UBR1: variants seen among roughly 807,000 people sequenced by gnomAD.
UBR1 encodes ubiquitin protein ligase E3 component n-recognin 1, also known as E3 ubiquitin-protein ligase UBR1.
UBR1 carries 102 observed loss-of-function variants against 242.1 expected under a neutral mutation model. The ratio of observed to expected loss-of-function variants is 0.42; its 90% CI spans 0.36 to 0.50. The LOEUF is 0.50. Ranked by LOEUF, UBR1 falls within the 20% of genes least tolerant of loss-of-function variation. The pLI is 0.01. For synonymous variants in UBR1, 675 were observed against 684.8 expected (o/e 0.99, Z 0.22); for missense variants, 1,772 against 2,101.8 (o/e 0.84, Z 3.07).
chr15:42,946,155 GCT>G (rs1421349450), intron 46 of UBR1, among the ~76,000 whole-genome samples: 1 of 151,742 alleles, frequency 6.6e-6, no homozygotes, highest in Admixed American at 6.6e-5. Flanking sequence ...ATGGAGTTTC[GCT>G]CTTTTTGCCC....
intron 40 of UBR1, among the ~76,000 whole-genome samples, chr15:42,969,709 C>G (rs1282976170): frequency 6.6e-6 from 1 of 152,084 alleles, no homozygotes; most frequent in African/African-American, 2.4e-5. Context: ...CAATAATAGA[C>G]AAACAGGGAG....
chr15:42,988,756 A>C, intron 35 of UBR1, 63 bp downstream of exon 35: 1 of 1,601,730 alleles, frequency 6.2e-7, no homozygotes, highest in Non-Finnish European at 8.6e-7. Context: ...AAAGAATTTA[A>C]GAATGAATGA....
intron 8 of UBR1, 114 bp from the exon 9 acceptor site, chr15:43,059,306 C>T (rs1394534646): frequency 1.2e-6 from 1 of 849,196 alleles, no homozygotes; most frequent in Non-Finnish European, 2.0e-6. Flanking sequence ...CTCAAGCGAT[C>T]CTTCCACCTC....
Position 43,082,730 on chromosome 15 carries a change from G to A in UBR1, c.339-14C>T. 6.2e-7 allele frequency: 1 copy of A among 1,611,102 alleles called. No homozygotes were observed. On this transcript the variant is annotated splice_polypyrimidine_tract_variant and intron_variant, in intron 2 of 46. Coordinates refer to ENST00000290650, the MANE Select transcript of UBR1 (RefSeq NM_174916.3). ...ATTGCACAATCCCTGAAAAAGATCAGAAATCAGATTCCAAAATTTAGATGA... is the reference window on the plus strand; with the variant it reads ...ATTGCACAATCCCTGAAAAAGATCAAAAATCAGATTCCAAAATTTAGATGA...
chr15:42,975,609 T>C (rs975081139), intron 39 of UBR1, among the ~76,000 whole-genome samples: 4 of 152,218 alleles, frequency 2.6e-5, no homozygotes, highest in Middle Eastern at 3.2e-3. Flanking sequence ...ATCACTTTAA[T>C]TATGTTTGTT....
chr15:43,012,980 A>G (rs1157712973), intron 29 of UBR1, among the ~76,000 whole-genome samples: 1 of 152,126 alleles, frequency 6.6e-6, no homozygotes, highest in African/African-American at 2.4e-5. Context: ...ATCTCTGCTC[A>G]CTACAACCCC....
intron 2 of UBR1, among the ~76,000 whole-genome samples, chr15:43,083,905 A>G (rs952932193): frequency 2.0e-5 from 3 of 151,802 alleles, no homozygotes; most frequent in Admixed American, 2.0e-4. Context: ...TTAGCCAGGC[A>G]TGGTGGTGCT....
At chr15:42,988,269 A>ATGTATG (rs1555443984) in intron 35 of UBR1, among the ~76,000 whole-genome samples, 2 of 147,804 alleles carry the variant, frequency 1.4e-5, no homozygotes, top group Non-Finnish European at 3.0e-5. Context: ...AAAGGAATAT[A>ATGTATG]TGTGTGTGTG....
intron 12 of UBR1, among the ~76,000 whole-genome samples, chr15:43,052,563 A>C (rs574270475): frequency 1.3e-5 from 2 of 152,236 alleles, no homozygotes; most frequent in Non-Finnish European, 2.9e-5. Context: ...ATAAACACAA[A>C]GCTAAACTAT....
rs1391356488 is a variant in UBR1, at chr15:42,943,158, TAATA to T, written c.*2167_*2170del. ...TGAACTCACAGCCCATACACCAATATAATAAATTAATTATACAGATATATTTTTC... is the reference window on the plus strand; with the variant it reads ...TGAACTCACAGCCCATACACCAATATAATTAATTATACAGATATATTTTTC... On this transcript the variant is annotated 3_prime_UTR_variant, in exon 47 of 47. Coordinates refer to ENST00000290650, the MANE Select transcript of UBR1 (RefSeq NM_174916.3). 6.6e-6 allele frequency: 1 copy of T among 152,520 alleles called. No homozygotes were observed. Among genetic ancestry groups the T allele is most frequent in the Non-Finnish European group, 1.5e-5 (1 of 68,020 alleles). The allele number at this position is 152,520 out of a possible 1,614,324, so 9.4% of individuals were successfully genotyped here.
chr15:43,084,181 C>A (rs2034005917), intron 2 of UBR1, among the ~76,000 whole-genome samples: 1 of 152,026 alleles, frequency 6.6e-6, no homozygotes, highest in Non-Finnish European at 1.5e-5. Context: ...ATACTACTGA[C>A]ATTTTGGGCC....
chr15:42,958,595 G>T (rs954008017), intron 43 of UBR1, among the ~76,000 whole-genome samples: 6 of 152,060 alleles, frequency 3.9e-5, no homozygotes, highest in African/African-American at 1.5e-4. Context: ...ATTGATTTAA[G>T]AAATGTCAAA....
chr15:43,066,084 G>A (rs957194606), intron 6 of UBR1, among the ~76,000 whole-genome samples: 1 of 151,912 alleles, frequency 6.6e-6, no homozygotes, highest in Admixed American at 6.6e-5. Context: ...TTTTTTCTAG[G>A]GTTTTATAGT....
In UBR1 at chr15:42,957,228, G is replaced by A. The variant is rs552606723; in HGVS notation, c.4835+785C>T. Among the ~76,000 whole-genome samples the A allele has an allele frequency of 7.2e-5, 11 of 152,012 alleles. No individual in the cohort carries two copies. In the East Asian group the frequency reaches 1.9e-3, roughly 27 times the overall value. On this transcript the variant is annotated intron_variant, in intron 44 of 46. Coordinates refer to ENST00000290650, the MANE Select transcript of UBR1 (RefSeq NM_174916.3). ...AAAGTAATGACATATGCTACGACTC[G>A]GATAAATATTAAAGACATGCTAAGT...
rs1194918571 is a variant in UBR1 at position 43,082,719 on chromosome 15, G to A, written c.339-3C>T. On this transcript the variant is annotated splice_region_variant and splice_polypyrimidine_tract_variant and intron_variant, in intron 2 of 46. Transcript: ENST00000290650. ...ATGTTGGATCAATTGCACAATCCCT[G>A]AAAAAGATCAGAAATCAGATTCCAA... 6.2e-7 allele frequency: 1 copy of A among 1,613,242 alleles called. No homozygotes were observed. Among genetic ancestry groups the A allele is most frequent in the Non-Finnish European group, 8.5e-7 (1 of 1,179,400 alleles).
intron 13 of UBR1, among the ~76,000 whole-genome samples, chr15:43,047,989 C>T (rs546621071): frequency 6.6e-6 from 1 of 152,150 alleles, no homozygotes; most frequent in Non-Finnish European, 1.5e-5. Flanking sequence ...GAGATTGAGA[C>T]CATCCTGGCC....
At chr15:43,076,147 G>T (rs1365395051) in intron 3 of UBR1, among the ~76,000 whole-genome samples, 2 of 130,190 alleles carry the variant, frequency 1.5e-5, no homozygotes, top group Non-Finnish European at 1.6e-5. Flanking sequence ...ACTGGTTTTC[G>T]TTTTTTTTTT....
intron 35 of UBR1, among the ~76,000 whole-genome samples, chr15:42,986,273 T>C (rs2032458212): frequency 6.6e-6 from 1 of 152,214 alleles, no homozygotes; most frequent in Non-Finnish European, 1.5e-5. Flanking sequence ...GTTTATGTAC[T>C]AAGAATAAAG....
chr15:43,058,555 G>T, intron 9 of UBR1, 126 bp from the exon 10 acceptor site: 1 of 626,784 alleles, frequency 1.6e-6, no homozygotes, highest in Non-Finnish European at 2.9e-6. Context: ...ACCTCAAATA[G>T]TATTTATTGT....
Sources: gnomAD v4.1 joint callset for allele counts (sites outside exome capture counted in the v4.1 genomes callset) on GRCh38, gnomAD v4.1.1 for gene constraint, MANE v1.5 for transcripts, NCBI Gene and HGNC (gene_info 2026-07-23, HGNC 2026-07-21) for gene names.